GIGYF2: variants seen among roughly 807,000 people sequenced by gnomAD.
GIGYF2 encodes GRB10 interacting GYF protein 2, also known as GRB10-interacting GYF protein 2.
A neutral mutation model predicts 208.1 loss-of-function variants in GIGYF2; 25 were observed. The ratio of observed to expected loss-of-function variants is 0.12; its 90% CI spans 0.09 to 0.17. The LOEUF (loss-of-function observed/expected upper bound fraction) is 0.17, where lower values mean the gene tolerates loss of function less well. Among genes scored for constraint, GIGYF2 ranks in the 10% least tolerant of loss-of-function variants. GIGYF2 has a pLI of 1.00. For synonymous variants in GIGYF2, 534 were observed against 543.8 expected, an observed-to-expected ratio of 0.98 and a Z score of 0.25; for missense variants, 1,302 against 1,579.4, an observed-to-expected ratio of 0.82 and a Z score of 2.98.
rs1238458029 is a variant in GIGYF2, at chr2:232,832,889, A to G, written c.2562A>G (p.Glu854=). The G allele has an allele frequency of 6.4e-7, 1 of 1,559,710 alleles. No homozygotes were observed. Among genetic ancestry groups the G allele is most frequent in the Non-Finnish European group, 8.7e-7 (1 of 1,151,600 alleles). The change falls in exon 22 of 29, where the codon GAA becomes GAG. Residue 854 remains glutamate (E), a synonymous_variant. Coordinates refer to ENST00000373563, the MANE Select transcript of GIGYF2 (RefSeq NM_001103146.3). ...EEEAAKWARE[E]EEAQRRLEEN... ...AGGCTGCAAAATGGGCCCGGGAAGA[A>G]GAAGAAGCCCAGCGTCGATTAGAGG... is the stretch of plus-strand genomic sequence containing the variant.
chr2:232,833,880 C>CTT (rs79831639), intron 22 of GIGYF2, among the ~76,000 whole-genome samples: 9 of 140,532 alleles, frequency 6.4e-5, no homozygotes, highest in Admixed American at 2.1e-4. Context: ...GGATTCAAAA[C>CTT]TTTTTTTTTT....
intron 5 of GIGYF2, among the ~76,000 whole-genome samples, chr2:232,754,978 G>GA (rs1698476236): frequency 6.6e-6 from 1 of 151,958 alleles, no homozygotes; most frequent in Admixed American, 6.5e-5. Context: ...CTAGCTAGGA[G>GA]AAAATGACCT....
At chr2:232,808,006 G>A (rs559145971) in intron 15 of GIGYF2, among the ~76,000 whole-genome samples, 34 of 152,348 alleles carry the variant, frequency 2.2e-4, no homozygotes, top group Middle Eastern at 3.4e-3. Context: ...CCTAGCCTCT[G>A]TAGTCAAGGG....
chr2:232,729,062 T>C (rs1697336760), intron 2 of GIGYF2, among the ~76,000 whole-genome samples: 1 of 152,170 alleles, frequency 6.6e-6, no homozygotes, highest in East Asian at 1.9e-4. Context: ...CACTGCAGTC[T>C]CGACCTCCTG....
At chr2:232,773,147 A>G (rs1296174651) in intron 8 of GIGYF2, among the ~76,000 whole-genome samples, 1 of 152,138 alleles carries the variant, frequency 6.6e-6, no homozygotes, top group Non-Finnish European at 1.5e-5. Flanking sequence ...TATTACCCTA[A>G]CAAGTTGTCA....
At chr2:232,784,316 A>G (rs1699824771) in intron 8 of GIGYF2, among the ~76,000 whole-genome samples, 1 of 151,994 alleles carries the variant, frequency 6.6e-6, no homozygotes, top group African/African-American at 2.4e-5. Context: ...ATTAAATAAA[A>G]TGAAATTTTA....
intron 2 of GIGYF2, chr2:232,729,663 C>G: frequency 1.1e-6 from 1 of 943,034 alleles, no homozygotes. Flanking sequence ...CTGTATCCCA[C>G]TTGAACTAGT....
chr2:232,787,472 T>C, intron 9 of GIGYF2, 143 bp downstream of exon 9: 1 of 760,944 alleles, frequency 1.3e-6, no homozygotes, highest in Non-Finnish European at 2.2e-6. Context: ...GTTTTATTAC[T>C]AGAAAAAATT....
chr2:232,736,854 T>C (rs1288659678), intron 3 of GIGYF2, among the ~76,000 whole-genome samples: 2 of 152,246 alleles, frequency 1.3e-5, no homozygotes, highest in Non-Finnish European at 2.9e-5. Flanking sequence ...TTTAAGGAAG[T>C]TGTTTTTTTC....
At position 232,860,485 on chromosome 2, in the gene GIGYF2, A is replaced by G. The variant is rs1690736587; in HGVS notation, c.*3625A>G. On this transcript the variant is annotated 3_prime_UTR_variant, in exon 29 of 29. Coordinates refer to ENST00000373563, the MANE Select transcript of GIGYF2 (RefSeq NM_001103146.3). ...TATGTTATATACGTATATATATTGC[A>G]CCCTACTTTAAAATTGACTGATAAC... 1 of 150,964 alleles carries G rather than the reference A, an allele frequency of 6.6e-6. No homozygotes were observed. Among genetic ancestry groups the G allele is most frequent in the Non-Finnish European group, 1.5e-5 (1 of 67,826 alleles). 9.4% of individuals were successfully genotyped at this position (150,964 alleles called of 1,614,324 possible). A position where few individuals can be genotyped will look rare whatever the true frequency, so the allele number is the denominator to read the frequency against.
Position 232,817,021 on chromosome 2 carries a change from C to G in GIGYF2, c.2359C>G (p.Arg787Gly), listed in dbSNP as rs779640539. 1 of 1,612,260 alleles carries G rather than the reference C, an allele frequency of 6.2e-7. No homozygotes were observed. Among genetic ancestry groups the G allele is most frequent in the Non-Finnish European group, 8.5e-7 (1 of 1,178,358 alleles). The change falls in exon 20 of 29, where the codon CGA becomes GGA. Residue 787 changes from arginine to glycine, a missense_variant. Arg to Gly is a moderately radical substitution (Grantham distance 125). Transcript: ENST00000373563. ...RKRREEEELARRKQEEALRRQ... is the reference protein window; with the variant it reads ...RKRREEEELAGRKQEEALRRQ... The stretch of plus-strand genomic sequence containing the variant: ...AAGGCGAGAGGAAGAAGAACTTGCC[C>G]GAAGGAAACAGGTATGTATCTGGGA...
chr2:232,844,370 A>T lies in GIGYF2; in HGVS notation c.3101A>T (p.His1034Leu), dbSNP rs1299257834. Residue 1034 changes from histidine to leucine, a missense_variant and splice_region_variant, in exon 25 of 29, where the codon CAT becomes CTT. Physicochemically the swap from His to Leu is moderately conservative, Grantham distance 99. Around this residue, in one of 8 missense-constraint regions of GIGYF2, gnomAD observed 701 missense variants for 793.0 expected, o/e 0.88. Coordinates refer to ENST00000373563, the MANE Select transcript of GIGYF2 (RefSeq NM_001103146.3). ...QQPNRARNNT[H>L]SNLHTSIGNS... is the part of the protein sequence containing the mutation. ...CATTTTTCTCTTTTTCTTTAACAGC[A>T]TTCCAACCTGCACACCAGCATTGGG... 3.1e-6 allele frequency: 5 copies of T among 1,613,454 alleles called. No homozygotes were observed. The highest frequency in any genetic ancestry group is 2.2e-5 in the East Asian group (1 of 44,902).
chr2:232,831,430 G>T (rs1701422326), intron 21 of GIGYF2, among the ~76,000 whole-genome samples: 1 of 152,104 alleles, frequency 6.6e-6, no homozygotes, highest in Non-Finnish European at 1.5e-5. Flanking sequence ...TGTACTACAT[G>T]CCAGTTACTG....
chr2:232,781,907 A>G (rs1574877469), intron 8 of GIGYF2, among the ~76,000 whole-genome samples: 1 of 152,304 alleles, frequency 6.6e-6, no homozygotes, highest in South Asian at 2.1e-4. Context: ...AAACCACCTT[A>G]CTGGTATCCC....
chr2:232,797,025 C>T (rs900100155), intron 14 of GIGYF2, among the ~76,000 whole-genome samples: 2 of 150,966 alleles, frequency 1.3e-5, no homozygotes, highest in South Asian at 2.1e-4. Context: ...TCTGTGTTTC[C>T]GTTTCCCTGA....
At position 232,760,404 on chromosome 2, in the gene GIGYF2, A is replaced by G. The variant is rs1698704179; in HGVS notation, c.380-76A>G. 4 of 910,776 alleles carry G rather than the reference A, an allele frequency of 4.4e-6. No homozygotes were observed. In the East Asian group the frequency reaches 1.0e-4, roughly 23 times the overall value. 56.4% of individuals were successfully genotyped at this position (910,776 alleles called of 1,614,324 possible). A position where few individuals can be genotyped will look rare whatever the true frequency, so the allele number is the denominator to read the frequency against. Reference sequence around the variant, plus strand: ...GCCTTGTATAGAGATAGAACTTTAGATATTAATTTATGGTGGTGAATGTGT... The same window carrying G: ...GCCTTGTATAGAGATAGAACTTTAGGTATTAATTTATGGTGGTGAATGTGT... On this transcript the variant is annotated intron_variant, in intron 6 of 28. Coordinates refer to ENST00000373563, the MANE Select transcript of GIGYF2 (RefSeq NM_001103146.3).
intron 15 of GIGYF2, among the ~76,000 whole-genome samples, chr2:232,809,500 T>C (rs1559448293): frequency 6.6e-6 from 1 of 152,220 alleles, no homozygotes; most frequent in Non-Finnish European, 1.5e-5. Context: ...CTTTCTCACC[T>C]TAGGGAATCT....
At chr2:232,752,958 A>T (rs754162982) in intron 5 of GIGYF2, among the ~76,000 whole-genome samples, 5 of 152,156 alleles carry the variant, frequency 3.3e-5, no homozygotes, top group Non-Finnish European at 7.3e-5. Context: ...CCTCAGAAAT[A>T]ACCACTATTT....
intron 8 of GIGYF2, among the ~76,000 whole-genome samples, chr2:232,762,646 C>T (rs1285142553): frequency 1.3e-5 from 2 of 152,114 alleles, no homozygotes; most frequent in East Asian, 1.9e-4. Flanking sequence ...TTTTAACAGT[C>T]AGCTTTGTAT....
Sources: gnomAD v4.1 joint callset for allele counts (sites outside exome capture counted in the v4.1 genomes callset) on GRCh38, gnomAD v4.1.1 for gene constraint, gnomAD v4.1.1 regional missense constraint, MANE v1.5 for transcripts, NCBI Gene and HGNC (gene_info 2026-07-23, HGNC 2026-07-21) for gene names.